The following CHODL variants were observed in gnomAD, a reference collection of about 807,000 sequenced individuals.
CHODL encodes transmembrane protein MT75.
Under a neutral mutation model 34.5 loss-of-function variants are expected in CHODL, and 29 were observed. The ratio of observed to expected loss-of-function variants is 0.84; its 90% CI spans 0.63 to 1.15. The LOEUF is 1.15. Ranked by LOEUF, CHODL falls within the 50% of genes most tolerant of loss-of-function variation. CHODL has a pLI of 0.00. For synonymous variants in CHODL, 125 were observed against 116.1 expected, an observed-to-expected ratio of 1.08 and a Z score of -0.49; for missense variants, 332 against 332.5, an observed-to-expected ratio of 1.00 and a Z score of 0.01.
At chr21:17,967,311 ATGACAC>A (rs2063580033) in intron 1 of CHODL, among the ~76,000 whole-genome samples, 1 of 152,200 alleles carries the variant, frequency 6.6e-6, no homozygotes, top group South Asian at 2.1e-4. Context: ...ACACTTGTTG[ATGACAC>A]AAGTGAGTCT....
chr21:18,153,748 T>TA (rs1555876911), intron 2 of CHODL, among the ~76,000 whole-genome samples: 1 of 151,872 alleles, frequency 6.6e-6, no homozygotes, highest in Non-Finnish European at 1.5e-5. Context: ...GGACTATGTT[T>TA]TATATATATA....
chr21:18,007,084 G>A (rs1568841453), intron 1 of CHODL, among the ~76,000 whole-genome samples: 2 of 152,016 alleles, frequency 1.3e-5, no homozygotes, highest in African/African-American at 2.4e-5. Flanking sequence ...TAGCAAATGT[G>A]TACTTAGGAG....
chr21:18,027,523 T>G (rs375782527), intron 1 of CHODL, among the ~76,000 whole-genome samples: 3 of 152,144 alleles, frequency 2.0e-5, no homozygotes, highest in African/African-American at 4.8e-5. Context: ...ATGTTAGATT[T>G]AACGTAGGTA....
chr21:18,254,433 T>G (rs1210762450), intron 1 of CHODL, among the ~76,000 whole-genome samples: 1 of 152,112 alleles, frequency 6.6e-6, no homozygotes, highest in Non-Finnish European at 1.5e-5. Flanking sequence ...CTATGGACTA[T>G]GGAAAGCAGT....
intron 1 of CHODL, among the ~76,000 whole-genome samples, chr21:17,926,236 T>G (rs1231653279): frequency 6.6e-6 from 1 of 151,270 alleles, no homozygotes; most frequent in East Asian, 1.9e-4. Context: ...TAGCTTTTCC[T>G]TTATGAAATG....
At chr21:18,207,105 A>G (rs573917669) in intron 2 of CHODL, among the ~76,000 whole-genome samples, 48 of 152,046 alleles carry the variant, frequency 3.2e-4, no homozygotes, top group South Asian at 1.7e-3. Flanking sequence ...TCATTGTTCA[A>G]TTCCCACCTA....
chr21:18,172,641 G>A (rs2073245833), intron 2 of CHODL, among the ~76,000 whole-genome samples: 1 of 151,960 alleles, frequency 6.6e-6, no homozygotes, highest in African/African-American at 2.4e-5. Context: ...TTTTGAAAAA[G>A]TTGATTCTGA....
chr21:18,257,242 A>T, intron 3 of CHODL, 115 bp downstream of exon 3: 1 of 944,476 alleles, frequency 1.1e-6, no homozygotes, highest in Non-Finnish European at 1.5e-6. Context: ...TGAAATAGAA[A>T]ATTACCTTGC....
intron 1 of CHODL, among the ~76,000 whole-genome samples, chr21:17,984,020 CT>C (rs1411230664): frequency 6.6e-6 from 1 of 152,098 alleles, no homozygotes; most frequent in East Asian, 1.9e-4. Flanking sequence ...TAGAGCAGAT[CT>C]TTAGAATTTA....
chr21:18,041,761 A>G (rs975931124), intron 2 of CHODL, among the ~76,000 whole-genome samples: 6 of 151,890 alleles, frequency 4.0e-5, no homozygotes, highest in Non-Finnish European at 8.8e-5. Flanking sequence ...ATAGAGGCTC[A>G]TATTACAAGT....
intron 2 of CHODL, among the ~76,000 whole-genome samples, chr21:18,096,223 A>G (rs908930589): frequency 2.2e-4 from 33 of 152,064 alleles, no homozygotes; most frequent in Admixed American, 2.0e-3. Flanking sequence ...TAAGCTAAGG[A>G]TGTATGTCAC....
At chr21:18,036,649 A>G (rs2064314504) in intron 2 of CHODL, among the ~76,000 whole-genome samples, 2 of 152,002 alleles carry the variant, frequency 1.3e-5, no homozygotes, top group African/African-American at 2.4e-5. Context: ...AAACAGTTCT[A>G]TTATATATAT....
Position 17,927,944 on chromosome 21 carries a change from G to C in CHODL, c.-145+10544G>C, listed in dbSNP as rs528477968. Among the ~76,000 whole-genome samples the C allele has an allele frequency of 2.0e-5, 3 of 152,312 alleles. No homozygotes were observed. In the South Asian group the frequency reaches 6.2e-4, roughly 32 times the overall value. ...CCTTTTTGTGAGGTTAACTAACTTTGATGGAGAAAAATTTATATTGTTACT... is the reference window on the plus strand; with the variant it reads ...CCTTTTTGTGAGGTTAACTAACTTTCATGGAGAAAAATTTATATTGTTACT... On this transcript the variant is annotated intron_variant, in intron 1 of 6. Transcript: ENST00000400127.
chr21:18,059,015 T>TC (rs946973445), intron 2 of CHODL, among the ~76,000 whole-genome samples: 1 of 152,162 alleles, frequency 6.6e-6, no homozygotes, highest in Non-Finnish European at 1.5e-5. Flanking sequence ...ATTTTGTGTC[T>TC]CCCCCAAATT....
At chr21:18,085,522 G>A (rs566902692) in intron 2 of CHODL, among the ~76,000 whole-genome samples, 14 of 152,094 alleles carry the variant, frequency 9.2e-5, no homozygotes, top group South Asian at 2.1e-4. Flanking sequence ...TGTTTAAGAC[G>A]CCTCTGAGCA....
intron 1 of CHODL, among the ~76,000 whole-genome samples, chr21:18,248,707 ATAATATATACATATATATG>A (rs2074182747): frequency 1.7e-5 from 2 of 118,888 alleles, no homozygotes; most frequent in African/African-American, 7.4e-5. Flanking sequence ...ATATATGTAT[ATAATATATACATATATATG>A]TATATAATAT....
chr21:18,120,453 G>A (rs935637953), intron 2 of CHODL, among the ~76,000 whole-genome samples: 1 of 151,996 alleles, frequency 6.6e-6, no homozygotes, highest in Admixed American at 6.6e-5. Context: ...TTTCTAATCT[G>A]ACCTCAGGCC....
intron 2 of CHODL, among the ~76,000 whole-genome samples, chr21:18,089,294 G>T (rs182271583): frequency 1.3e-5 from 2 of 151,340 alleles, no homozygotes; most frequent in Admixed American, 1.3e-4. Context: ...TTATTTTCTC[G>T]TTATTTTTGA....
At chr21:17,958,723 A>T (rs1420694509) in intron 1 of CHODL, among the ~76,000 whole-genome samples, 1 of 152,168 alleles carries the variant, frequency 6.6e-6, no homozygotes, top group Non-Finnish European at 1.5e-5. Flanking sequence ...AAATTTCTGG[A>T]AATATCAGGA....
Sources: gnomAD v4.1 joint callset for allele counts (sites outside exome capture counted in the v4.1 genomes callset) on GRCh38, gnomAD v4.1.1 for gene constraint, MANE v1.5 for transcripts, NCBI Gene and HGNC (gene_info 2026-07-23, HGNC 2026-07-21) for gene names.